Variants in TGFB2 observed in about 807,000 individuals in gnomAD.
TGFB2 encodes the protein transforming growth factor beta-2 proprotein.
In TGFB2, 13 loss-of-function variants were observed where a neutral mutation model predicts 42.7. The ratio of observed to expected loss-of-function variants is 0.30; its 90% CI spans 0.20 to 0.48. The LOEUF (loss-of-function observed/expected upper bound fraction) is 0.48, where lower values mean the gene tolerates loss of function less well. Among genes scored for constraint, TGFB2 ranks in the 20% least tolerant of loss-of-function variants. The pLI is 0.99. For missense variants in TGFB2, 390 were observed against 517.5 expected, an observed-to-expected ratio of 0.75 and a Z score of 2.39; for synonymous variants, 193 against 193.6, an observed-to-expected ratio of 1.00 and a Z score of 0.03.
chr1:218,425,466 C>T (rs1411466593), intron 2 of TGFB2, among the ~76,000 whole-genome samples: 1 of 152,122 alleles, frequency 6.6e-6, no homozygotes, highest in African/African-American at 2.4e-5. Context: ...CTCAGCCTCC[C>T]AAAGTGCTAG....
intron 2 of TGFB2, among the ~76,000 whole-genome samples, chr1:218,430,352 A>G (rs1356412381): frequency 2.0e-5 from 3 of 151,962 alleles, no homozygotes; most frequent in Non-Finnish European, 4.4e-5. Flanking sequence ...CCAAGATCAC[A>G]CCACTGTACT....
In TGFB2 at chr1:218,412,592, G is replaced by T. The variant is rs544789457; in HGVS notation, c.510+7260G>T. Among the ~76,000 whole-genome samples the T allele has an allele frequency of 1.2e-4, 19 of 152,262 alleles. No individual in the cohort carries two copies. The South Asian group carries it at 1.9e-3, about 15-fold the overall frequency. ...AGGCAGCATGGCATAGTATGCAATG[G>T]TATGGGCGTTGTGACCTAAGCTTTC... On this transcript the variant is annotated intron_variant, in intron 2 of 6. Coordinates refer to ENST00000366930, the MANE Select transcript of TGFB2 (RefSeq NM_003238.6).
intron 2 of TGFB2, among the ~76,000 whole-genome samples, chr1:218,410,536 G>A (rs1228737562): frequency 6.6e-6 from 1 of 152,148 alleles, no homozygotes; most frequent in African/African-American, 2.4e-5. Context: ...GCATCTACTG[G>A]TGTGATCAAG....
intron 1 of TGFB2, among the ~76,000 whole-genome samples, chr1:218,397,369 C>T (rs1658555349): frequency 6.6e-6 from 1 of 151,914 alleles, no homozygotes; most frequent in African/African-American, 2.4e-5. Context: ...TGAGACCATC[C>T]TGGCTAACAC....
chr1:218,428,357 A>G (rs959446427), intron 2 of TGFB2, among the ~76,000 whole-genome samples: 2 of 152,170 alleles, frequency 1.3e-5, no homozygotes, highest in Non-Finnish European at 2.9e-5. Context: ...CCATTTGCCA[A>G]TTTTGGCTTT....
At chr1:218,348,688 AG>A (rs1327601131) in intron 1 of TGFB2, among the ~76,000 whole-genome samples, 1 of 152,242 alleles carries the variant, frequency 6.6e-6, no homozygotes, top group Non-Finnish European at 1.5e-5. Flanking sequence ...TAGGAAAGAA[AG>A]TTCATTGTAA....
At chr1:218,394,458 CCA>C (rs991382243) in intron 1 of TGFB2, among the ~76,000 whole-genome samples, 25 of 152,130 alleles carry the variant, frequency 1.6e-4, no homozygotes, top group African/African-American at 5.8e-4. Flanking sequence ...TGGGCCGGCA[CCA>C]CTGTTATTTT....
At chr1:218,407,403 A>T (rs998356134) in intron 2 of TGFB2, among the ~76,000 whole-genome samples, 1 of 152,096 alleles carries the variant, frequency 6.6e-6, no homozygotes. Flanking sequence ...ACTAGTTCAC[A>T]TGTGTGTTCA....
At chr1:218,437,672 A>T (rs1660016025) in intron 6 of TGFB2, among the ~76,000 whole-genome samples, 176 bp downstream of exon 6, 1 of 152,204 alleles carries the variant, frequency 6.6e-6, no homozygotes, top group African/African-American at 2.4e-5. Flanking sequence ...TTTGCCATTG[A>T]AAATAATGGC....
chr1:218,377,931 G>A (rs13375763), intron 1 of TGFB2, among the ~76,000 whole-genome samples: 4,523 of 152,030 alleles, frequency 0.03, 233 homozygotes, highest in African/African-American at 0.1. Context: ...CACCTCCTTC[G>A]TTTTAATTCA....
chr1:218,348,015 T>C (rs1656748534), intron 1 of TGFB2, among the ~76,000 whole-genome samples: 1 of 146,938 alleles, frequency 6.8e-6, no homozygotes, highest in Admixed American at 6.9e-5. Flanking sequence ...AGGAGTGAAA[T>C]GATTTATTGC....
chr1:218,395,893 TGTGAGCC>T (rs1280890810), intron 1 of TGFB2, among the ~76,000 whole-genome samples: 5 of 152,064 alleles, frequency 3.3e-5, no homozygotes, highest in Non-Finnish European at 7.4e-5. Context: ...GGATTACAGG[TGTGAGCC>T]ACCGCGCCAG....
intron 2 of TGFB2, among the ~76,000 whole-genome samples, chr1:218,427,746 G>A (rs1659670881): frequency 6.6e-6 from 1 of 152,172 alleles, no homozygotes; most frequent in Admixed American, 6.5e-5. Flanking sequence ...ATGGGCATTT[G>A]GGTTGGTTCC....
At chr1:218,363,597 C>A (rs140428701) in intron 1 of TGFB2, among the ~76,000 whole-genome samples, 3 of 152,256 alleles carry the variant, frequency 2.0e-5, no homozygotes, top group East Asian at 3.9e-4. Flanking sequence ...ATGAGAAAAA[C>A]TGATGAATAG....
At chr1:218,406,919 A>G (rs1230378172) in intron 2 of TGFB2, among the ~76,000 whole-genome samples, 1 of 152,166 alleles carries the variant, frequency 6.6e-6, no homozygotes, top group East Asian at 1.9e-4. Context: ...ATTACTTGAG[A>G]AAAAGAAATT....
Position 218,363,270 on chromosome 1 carries a change from A to G in TGFB2, c.346+16223A>G, listed in dbSNP as rs780033702. On this transcript the variant is annotated intron_variant, in intron 1 of 6. Transcript: ENST00000366930. ...TCCCTCTTCTACTTTGAATCTTTGT[A>G]TAGTTCTGTGCCAGGCATCTCTTCA... The G allele has an allele frequency of 4.5e-6, 6 of 1,340,108 alleles. No individual in the cohort carries two copies. The East Asian group carries it at 6.9e-5, about 16-fold the overall frequency. 83.0% of individuals were successfully genotyped at this position (1,340,108 alleles called of 1,614,324 possible). A position where few individuals can be genotyped will look rare whatever the true frequency, so the allele number is the denominator to read the frequency against.
Position 218,440,252 on chromosome 1 carries a change from A to T in TGFB2, c.1087-952A>T, listed in dbSNP as rs575837494. Among the ~76,000 whole-genome samples the T allele has an allele frequency of 3.3e-5, 5 of 152,356 alleles. No homozygotes were observed. In the East Asian group the frequency reaches 9.6e-4, roughly 29 times the overall value. ...GATCGTTTTAAGCAAAATGTAAGAA[A>T]GTGAATAATTATTTCTTATAGGAGA... On this transcript the variant is annotated intron_variant, in intron 6 of 6. Coordinates refer to ENST00000366930, the MANE Select transcript of TGFB2 (RefSeq NM_003238.6).
At chr1:218,375,183 G>A (rs150004021) in intron 1 of TGFB2, among the ~76,000 whole-genome samples, 1 of 151,938 alleles carries the variant, frequency 6.6e-6, no homozygotes, top group Non-Finnish European at 1.5e-5. Context: ...AACAGACGGT[G>A]GTCCCTTCCT....
intron 1 of TGFB2, among the ~76,000 whole-genome samples, chr1:218,401,691 T>C (rs1658725619): frequency 6.6e-6 from 1 of 152,140 alleles, no homozygotes; most frequent in African/African-American, 2.4e-5. Context: ...AGAACTCCCA[T>C]TCCAAAGGGG....
Sources: allele counts gnomAD v4.1 joint callset (sites outside exome capture counted in the v4.1 genomes callset), GRCh38; gene constraint gnomAD v4.1.1; transcripts MANE v1.5; gene names NCBI Gene and HGNC (gene_info 2026-07-23, HGNC 2026-07-21).